The following SLC26A4 variants were observed in gnomAD, a reference collection of about 807,000 sequenced individuals.
SLC26A4 encodes pendrin.
In SLC26A4, 93 loss-of-function variants were observed where a neutral mutation model predicts 90.4. The ratio of observed to expected loss-of-function variants is 1.03; its 90% CI spans 0.87 to 1.22. The LOEUF is 1.22. SLC26A4 is among the 50% of genes most tolerant of loss of function. The pLI is 0.00. For missense variants in SLC26A4, 1,127 were observed against 946.2 expected, an observed-to-expected ratio of 1.19 and a Z score of -2.51; for synonymous variants, 393 against 354.6, an observed-to-expected ratio of 1.11 and a Z score of -1.22.
At chr7:107,694,530 T>C (rs979017435) in intron 11 of SLC26A4, 50 bp downstream of exon 11, 3 of 1,533,636 alleles carry the variant, frequency 2.0e-6, no homozygotes, top group Admixed American at 1.7e-5. Flanking sequence ...CCTTCACTAC[T>C]CTGCTACCAG....
intron 18 of SLC26A4, among the ~76,000 whole-genome samples, chr7:107,708,692 AT>A (rs202059992): frequency 6.7e-5 from 10 of 149,098 alleles, no homozygotes; most frequent in East Asian, 2.0e-4. Context: ...CGTCTCTATT[AT>A]TTTTTTTTTA....
chr7:107,699,699 C>A (rs1159192341), intron 14 of SLC26A4, among the ~76,000 whole-genome samples: 1 of 151,986 alleles, frequency 6.6e-6, no homozygotes, highest in Non-Finnish European at 1.5e-5. Flanking sequence ...GAGGCTGAGG[C>A]GGGTGAATCA....
chr7:107,689,371 C>T (rs1166844737), intron 9 of SLC26A4, among the ~76,000 whole-genome samples, 171 bp downstream of exon 9: 1 of 152,178 alleles, frequency 6.6e-6, no homozygotes, highest in Non-Finnish European at 1.5e-5. Context: ...GGAATAGACA[C>T]ACTGCATCAC....
chr7:107,710,240 T>C, intron 19 of SLC26A4, 41 bp downstream of exon 19: 1 of 1,397,800 alleles, frequency 7.2e-7, no homozygotes, highest in Admixed American at 1.7e-5. Flanking sequence ...TTTTCTAAAC[T>C]ATCATGATTT....
At chr7:107,701,252 A>T in intron 16 of SLC26A4, 56 bp downstream of exon 16, 1 of 1,052,560 alleles carries the variant, frequency 9.5e-7, no homozygotes, top group Admixed American at 1.7e-5. Flanking sequence ...TGATGAGAGC[A>T]GTTAGAGGGT....
intron 19 of SLC26A4, among the ~76,000 whole-genome samples, chr7:107,712,185 C>T (rs1220972949): frequency 6.6e-6 from 1 of 152,210 alleles, no homozygotes; most frequent in Non-Finnish European, 1.5e-5. Flanking sequence ...ATTCATTGCA[C>T]ACTCAACGCT....
rs941429924 is a variant in SLC26A4 at position 107,715,790 on chromosome 7, G to A, written c.*344G>A. 2.4e-5 allele frequency: 8 copies of A among 339,224 alleles called. No homozygotes were observed. The highest frequency in any genetic ancestry group is 5.1e-5 in the East Asian group (1 of 19,570). 21.0% of individuals were successfully genotyped at this position (339,224 alleles called of 1,614,324 possible). A position where few individuals can be genotyped will look rare whatever the true frequency, so the allele number is the denominator to read the frequency against. ...GACCCAACAGCCTCTGTGGTCAAGC[G>A]AGTCACGAATGATTAATCATAAAGA... On this transcript the variant is annotated 3_prime_UTR_variant, in exon 21 of 21. Coordinates refer to ENST00000644269, the MANE Select transcript of SLC26A4 (RefSeq NM_000441.2).
In SLC26A4 at chr7:107,690,226, G is replaced by C; in HGVS notation, c.1252G>C (p.Gly418Arg). Residue 418 changes from glycine to arginine, a missense_variant, in exon 10 of 21, where the codon GGA becomes CGA. Physicochemically the swap from Gly to Arg is moderately radical, Grantham distance 125 (BLOSUM62 -2). Transcript: ENST00000644269. The part of the protein sequence containing the change: ...SRTAVQESTG[G>R]KTQVAGIISA... ...CACGGCCGTCCAGGAGAGCACTGGAGGAAAGACACAGGTAGGAACAACAGC... is the reference window on the plus strand; with the variant it reads ...CACGGCCGTCCAGGAGAGCACTGGACGAAAGACACAGGTAGGAACAACAGC... The C allele has an allele frequency of 6.3e-7, 1 of 1,593,006 alleles. No individual in the cohort carries two copies. The highest frequency in any genetic ancestry group is 8.6e-7 in the Non-Finnish European group (1 of 1,160,826).
chr7:107,698,645 T>C (rs149619073), intron 14 of SLC26A4, among the ~76,000 whole-genome samples: 33 of 152,214 alleles, frequency 2.2e-4, no homozygotes, highest in African/African-American at 6.5e-4. Context: ...TATAAAACTG[T>C]TGTAAGAGGA....
intron 8 of SLC26A4, among the ~76,000 whole-genome samples, chr7:107,685,196 A>G (rs1331520227): frequency 6.6e-6 from 1 of 152,148 alleles, no homozygotes; most frequent in African/African-American, 2.4e-5. Flanking sequence ...ATCTCACAGT[A>G]AGCTCTCAGA....
intron 10 of SLC26A4, among the ~76,000 whole-genome samples, chr7:107,691,195 C>A (rs187927580): frequency 5.9e-4 from 88 of 149,808 alleles, no homozygotes; most frequent in Non-Finnish European, 1.0e-3. Context: ...TTTACTAAGG[C>A]GGGGACACTT....
At chr7:107,670,993 G>A (rs1395573833) in intron 3 of SLC26A4, among the ~76,000 whole-genome samples, 1 of 152,076 alleles carries the variant, frequency 6.6e-6, no homozygotes, top group African/African-American at 2.4e-5. Context: ...CTGCTGCTGA[G>A]TATAATTATC....
intron 16 of SLC26A4, among the ~76,000 whole-genome samples, chr7:107,701,532 G>A (rs949130139): frequency 6.6e-6 from 1 of 152,210 alleles, no homozygotes; most frequent in Non-Finnish European, 1.5e-5. Flanking sequence ...GGCAGTCTAA[G>A]TCCATAAACT....
At chr7:107,684,344 C>T (rs748410428) in intron 8 of SLC26A4, among the ~76,000 whole-genome samples, 34 of 152,096 alleles carry the variant, frequency 2.2e-4, no homozygotes, top group Admixed American at 5.2e-4. Flanking sequence ...AGTTTGGTAC[C>T]GGTGTTTCTA....
chr7:107,664,395 C>A (rs116905197), intron 3 of SLC26A4, among the ~76,000 whole-genome samples: 6,805 of 152,270 alleles, frequency 0.045, 177 homozygotes, highest in Middle Eastern at 0.068. Flanking sequence ...CCATGTCCAG[C>A]TAATTACTGT....
intron 5 of SLC26A4, 95 bp downstream of exon 5, chr7:107,674,443 C>T (rs1790966028): frequency 9.3e-7 from 1 of 1,075,288 alleles, no homozygotes; most frequent in Admixed American, 2.0e-5. Context: ...AAAAACAAAA[C>T]AAAGTAATTT....
chr7:107,715,009 G>C (rs1468615442), intron 20 of SLC26A4, among the ~76,000 whole-genome samples: 1 of 150,188 alleles, frequency 6.7e-6, no homozygotes, highest in Non-Finnish European at 1.5e-5. Flanking sequence ...GGGATCACTT[G>C]AGGTCAGGAG....
intron 6 of SLC26A4, among the ~76,000 whole-genome samples, chr7:107,681,129 A>C (rs2701689): frequency 0.79 from 119,371 of 151,546 alleles, 47,698 homozygotes; most frequent in African/African-American, 0.93. Flanking sequence ...TGTCAGTGTA[A>C]ATGCCTTTAG....
chr7:107,679,881 A>ATG lies in SLC26A4; in HGVS notation c.766-3321_766-3320insTG, dbSNP rs1562826794. ...TATATTATATAATCTTATATTATAT[A>ATG]ATCTTATCTTATATAATCTTATATT... On this transcript the variant is annotated intron_variant, in intron 6 of 20. Transcript: ENST00000644269. Among the ~76,000 whole-genome samples, 704 of 117,770 alleles carry ATG rather than the reference A, an allele frequency of 6.0e-3. 41 individuals carry two copies. The highest frequency in any genetic ancestry group is 0.028 in the African/African-American group (689 of 24,726). 77.3% of individuals were successfully genotyped at this position (117,770 alleles called of 152,430 possible). A position where few individuals can be genotyped will look rare whatever the true frequency, so the allele number is the denominator to read the frequency against.
Sources: allele counts gnomAD v4.1 joint callset (sites outside exome capture counted in the v4.1 genomes callset), GRCh38; gene constraint gnomAD v4.1.1; transcripts MANE v1.5; gene names NCBI Gene and HGNC (gene_info 2026-07-23, HGNC 2026-07-21).